FGF13: variants seen among roughly 807,000 people sequenced by gnomAD.
FGF13 encodes fibroblast growth factor homologous factor 2.
A neutral mutation model predicts 19.5 loss-of-function variants in FGF13; 2 were observed. The ratio of observed to expected loss-of-function variants is 0.10; its 90% confidence interval spans 0.04 to 0.32. FGF13 has a LOEUF of 0.32. Among genes scored for constraint, FGF13 ranks in the 10% least tolerant of loss-of-function variants. FGF13 has a pLI of 1.00. For synonymous variants in FGF13, 72 were observed against 76.9 expected, an observed-to-expected ratio of 0.94 and a Z score of 0.33; for missense variants, 113 against 192.7, an observed-to-expected ratio of 0.59 and a Z score of 2.45.
At chrX:138,768,453 T>C (rs780988448) in intron 3 of FGF13, among the ~76,000 whole-genome samples, 4 of 109,862 alleles carry the variant, frequency 3.6e-5, no homozygotes, top group African/African-American at 1.3e-4. Flanking sequence ...GTGCTGGTAA[T>C]GTTCTACTTC....
chrX:139,179,353 TAGA>T (rs2084220471), intron 1 of FGF13, among the ~76,000 whole-genome samples: 1 of 111,453 alleles, frequency 9.0e-6, no homozygotes, highest in Non-Finnish European at 1.9e-5. Flanking sequence ...TTCATTTTCT[TAGA>T]AGATGCCTCT....
At chrX:138,893,955 G>A (rs904504172) in intron 1 of FGF13, among the ~76,000 whole-genome samples, 4 of 111,205 alleles carry the variant, frequency 3.6e-5, no homozygotes, top group African/African-American at 1.3e-4. Flanking sequence ...ATTATTATTG[G>A]TATAATACAG....
rs183818363 is a variant in FGF13 at position 139,183,401 on chromosome X, G to A, written c.-113+20015C>T. On this transcript the variant is annotated intron_variant, in intron 1 of 2. Coordinates refer to the FGF13 transcript ENST00000421460. ...GATGTGTGTCCCCTACAAATCTCAC[G>A]TTGAAACGCGACCTCCAGTGTTAGA... Among the ~76,000 whole-genome samples, 566 of 111,633 alleles carry A rather than the reference G, an allele frequency of 5.1e-3. 3 individuals are homozygous for A. Among genetic ancestry groups the A allele is most frequent in the African/African-American group, 0.017 (530 of 30,744 alleles).
chrX:138,952,212 A>G (rs952610687), intron 1 of FGF13, among the ~76,000 whole-genome samples: 5 of 111,700 alleles, frequency 4.5e-5, no homozygotes, highest in Middle Eastern at 4.6e-3. Flanking sequence ...ACAGCATGGT[A>G]CTGGTACCAA....
chrX:138,974,160 T>C lies in FGF13; in HGVS notation c.-112-109510A>G, dbSNP rs149926442. Among the ~76,000 whole-genome samples, 18 of 111,912 alleles carry C rather than the reference T, an allele frequency of 1.6e-4. No individual in the cohort carries two copies. The East Asian group carries it at 4.5e-3, about 28-fold the overall frequency. On this transcript the variant is annotated intron_variant, in intron 1 of 2. Transcript: ENST00000421460. The stretch of plus-strand genomic sequence containing the variant: ...TTGCTATTGTTTATAAATTACCCAG[T>C]CTGCAGCATTCTGTTATAGCAGCAG...
At chrX:138,978,029 T>C (rs1274123321) in intron 1 of FGF13, among the ~76,000 whole-genome samples, 3 of 111,634 alleles carry the variant, frequency 2.7e-5, no homozygotes, top group Non-Finnish European at 5.6e-5. Flanking sequence ...CTGGCTATCA[T>C]ATCAAATAGC....
intron 3 of FGF13, among the ~76,000 whole-genome samples, chrX:138,696,818 G>A (rs1384701397): frequency 8.9e-6 from 1 of 111,772 alleles, no homozygotes; most frequent in Non-Finnish European, 1.9e-5. Context: ...CTGCCATCTC[G>A]GGCTTTTCCC....
Position 139,125,962 on chromosome X carries a change from G to T in FGF13, c.-113+77454C>A, listed in dbSNP as rs753240208. Among the ~76,000 whole-genome samples, 12 of 112,045 alleles carry T rather than the reference G, an allele frequency of 1.1e-4. No homozygotes were observed. In the East Asian group the frequency reaches 3.4e-3, roughly 32 times the overall value. On this transcript the variant is annotated intron_variant, in intron 1 of 2. Coordinates refer to the FGF13 transcript ENST00000421460. The stretch of plus-strand genomic sequence containing the variant: ...TGGGTTTCATCTGTTCAGATGAGGT[G>T]CTTAACACACAATCAACTGGTTGGC...
intron 1 of FGF13, among the ~76,000 whole-genome samples, chrX:139,015,682 T>C (rs994241225): frequency 1.8e-5 from 2 of 111,309 alleles, no homozygotes; most frequent in African/African-American, 3.3e-5. Flanking sequence ...ATACAAATGA[T>C]ATTATTCACA....
chrX:138,865,770 T>C (rs760060934), intron 1 of FGF13, among the ~76,000 whole-genome samples: 45 of 111,393 alleles, frequency 4.0e-4, no homozygotes, highest in Non-Finnish European at 7.5e-4. Context: ...GCCAGTTTTG[T>C]TGAATTGAAT....
chrX:139,112,482 C>T (rs2083610205), intron 1 of FGF13, among the ~76,000 whole-genome samples: 1 of 111,697 alleles, frequency 9.0e-6, no homozygotes, highest in East Asian at 2.8e-4. Flanking sequence ...GAAACCATCA[C>T]CACAGTCTAA....
rs1027004806 is a variant in FGF13 at position 138,620,219 on chromosome X, G to A, written c.*12631C>T. The A allele has an allele frequency of 9.0e-5, 10 of 110,717 alleles. No homozygotes were observed. Among genetic ancestry groups the A allele is most frequent in the Non-Finnish European group, 1.9e-4 (10 of 52,970 alleles). 9.1% of individuals were successfully genotyped at this position (110,717 alleles called of 1,213,427 possible). A position where few individuals can be genotyped will look rare whatever the true frequency, so the allele number is the denominator to read the frequency against. ...TTCTTAGCAAGCTATTGCAGGAACA[G>A]AAAACCAAACACTGCGTATTCTCAC... On this transcript the variant is annotated 3_prime_UTR_variant, in exon 5 of 5. Transcript: ENST00000315930.
intron 3 of FGF13, among the ~76,000 whole-genome samples, chrX:138,846,435 G>A (rs1299005990): frequency 8.9e-6 from 1 of 111,831 alleles, no homozygotes; most frequent in Non-Finnish European, 1.9e-5. Context: ...CTGTGCTCAT[G>A]CACGGAAAGA....
At chrX:138,728,238 A>C (rs572802179) in intron 1 of FGF13, among the ~76,000 whole-genome samples, 2 of 111,328 alleles carry the variant, frequency 1.8e-5, no homozygotes, top group African/African-American at 6.5e-5. Flanking sequence ...CCAGAGTTTC[A>C]GAGTGGAATC....
At chrX:139,202,699 C>T (rs1196404374) in intron 1 of FGF13, among the ~76,000 whole-genome samples, 1 of 111,291 alleles carries the variant, frequency 9.0e-6, no homozygotes, top group African/African-American at 3.3e-5. Context: ...TAGAATCTCC[C>T]GGGAAAGAAA....
intron 3 of FGF13, among the ~76,000 whole-genome samples, chrX:138,700,773 CACTT>C (rs1569367998): frequency 8.9e-6 from 1 of 111,860 alleles, no homozygotes; most frequent in African/African-American, 3.3e-5. Context: ...CTAATAGAAA[CACTT>C]ACTTAAGGCT....
chrX:139,053,627 G>GAAAC (rs2092310353), intron 1 of FGF13, among the ~76,000 whole-genome samples: 1 of 111,099 alleles, frequency 9.0e-6, no homozygotes, highest in Non-Finnish European at 1.9e-5. Context: ...TGATTGGTTT[G>GAAAC]AGTTCCTTGT....
At chrX:138,779,499 G>A (rs1236386706) in intron 3 of FGF13, among the ~76,000 whole-genome samples, 8 of 108,129 alleles carry the variant, frequency 7.4e-5, no homozygotes, top group Non-Finnish European at 9.7e-5. Flanking sequence ...ACCAAGGCTC[G>A]AGAACTACGT....
At chrX:138,829,263 A>C (rs1485623286) in intron 3 of FGF13, among the ~76,000 whole-genome samples, 1 of 111,707 alleles carries the variant, frequency 9.0e-6, no homozygotes, top group East Asian at 2.8e-4. Context: ...GTGGTGTTGT[A>C]AGATGGGGCC....
Sources: allele counts gnomAD v4.1 joint callset (sites outside exome capture counted in the v4.1 genomes callset), GRCh38; gene constraint gnomAD v4.1.1; transcripts MANE v1.5; gene names NCBI Gene and HGNC (gene_info 2026-07-23, HGNC 2026-07-21).